KIAA1217: variants seen among roughly 807,000 people sequenced by gnomAD.
The protein encoded by KIAA1217 is sickle tail protein homolog.
Under a neutral mutation model 163.9 loss-of-function variants are expected in KIAA1217, and 88 were observed. The observed-to-expected ratio is 0.54, with a 90% confidence interval of 0.45 to 0.64. The LOEUF (loss-of-function observed/expected upper bound fraction) is 0.64. Ranked by LOEUF, KIAA1217 falls within the 30% of genes least tolerant of loss-of-function variation. The pLI, the probability that KIAA1217 is intolerant of heterozygous loss-of-function variation, is 0.00. For synonymous variants in KIAA1217, 903 were observed against 923.1 expected (o/e 0.98, Z 0.39); for missense variants, 2,372 against 2,475.0 (o/e 0.96, Z 0.88).
chr10:23,766,266 T>C (rs1445773913), intron 1 of KIAA1217, among the ~76,000 whole-genome samples: 1 of 151,332 alleles, frequency 6.6e-6, no homozygotes, highest in African/African-American at 2.4e-5. Flanking sequence ...ACAGCAAAAA[T>C]TGATTTTTGT....
chr10:23,889,696 T>A (rs1355523554), intron 1 of KIAA1217, among the ~76,000 whole-genome samples: 1 of 151,894 alleles, frequency 6.6e-6, no homozygotes. Flanking sequence ...TTTATTGAGT[T>A]TTCTTTTATG....
intron 2 of KIAA1217, among the ~76,000 whole-genome samples, chr10:24,090,815 A>G (rs972030081): frequency 1.3e-5 from 2 of 151,892 alleles, no homozygotes; most frequent in African/African-American, 2.4e-5. Context: ...TAGCAATCTT[A>G]TTTCTAATAT....
At chr10:23,881,291 C>G (rs1840938606) in intron 1 of KIAA1217, among the ~76,000 whole-genome samples, 1 of 151,946 alleles carries the variant, frequency 6.6e-6, no homozygotes, top group Admixed American at 6.6e-5. Context: ...CATTCTTTCA[C>G]TTACAATTAT....
At chr10:24,120,607 C>T (rs1050074126) in intron 2 of KIAA1217, among the ~76,000 whole-genome samples, 4 of 152,182 alleles carry the variant, frequency 2.6e-5, no homozygotes, top group Admixed American at 6.5e-5. Context: ...TTTCCTACCT[C>T]GCACATTCCT....
intron 3 of KIAA1217, among the ~76,000 whole-genome samples, chr10:24,399,400 A>T (rs1399863684): frequency 7.2e-5 from 11 of 152,226 alleles, no homozygotes; most frequent in Non-Finnish European, 1.6e-4. Context: ...CCCAATTCAA[A>T]AAAATGCTCT....
rs550436129 is a variant in KIAA1217, at chr10:24,244,860, C to T, written c.354+24951C>T. On this transcript the variant is annotated intron_variant, in intron 2 of 20. Transcript: ENST00000376454. ...GATGACAGACATGAGCCAGTGCTTC[C>T]GGCCAGCTTATCCTAACGGCAGGAA... Among the ~76,000 whole-genome samples, 12 of 152,220 alleles carry T rather than the reference C, an allele frequency of 7.9e-5. No individual in the cohort carries two copies. The South Asian group carries it at 2.5e-3, about 32-fold the overall frequency.
At chr10:24,372,510 ATAATC>A (rs1441213194) in intron 2 of KIAA1217, among the ~76,000 whole-genome samples, 1 of 152,190 alleles carries the variant, frequency 6.6e-6, no homozygotes, top group African/African-American at 2.4e-5. Flanking sequence ...ATCAAAAAAA[ATAATC>A]TATGGGACTG....
At position 24,219,646 on chromosome 10, in the gene KIAA1217, C is replaced by T. The variant is rs149035347; in HGVS notation, c.91C>T (p.His31Tyr). 8 of 1,606,800 alleles carry T rather than the reference C, an allele frequency of 5.0e-6. No homozygotes were observed. In the African/African-American group the frequency reaches 6.7e-5, roughly 13 times the overall value. ...QMQEQGKGNLHVTSPEDAECR... is the reference protein window; with the variant it reads ...QMQEQGKGNLYVTSPEDAECR... Reference sequence around the variant, plus strand: ...TTCAGAACAAGGCAAAGGCAATCTGCATGTAACATCACCAGAAGATGCAGA... The same window carrying T: ...TTCAGAACAAGGCAAAGGCAATCTGTATGTAACATCACCAGAAGATGCAGA... Residue 31 changes from histidine to tyrosine, a missense_variant, in exon 2 of 21, where the codon CAT becomes TAT. His to Tyr is a moderately conservative substitution (Grantham distance 83). This residue lies in a region of KIAA1217 where 1,431 missense variants were observed against 1,470.3 expected (regional missense o/e 0.97). Transcript: ENST00000376454.
intron 2 of KIAA1217, among the ~76,000 whole-genome samples, chr10:24,088,865 G>A (rs528535489): frequency 6.4e-5 from 8 of 124,620 alleles, no homozygotes; most frequent in East Asian, 5.9e-4. Flanking sequence ...CTGAGGAATC[G>A]CCACACTGAC....
chr10:24,123,821 T>C (rs2131785532), intron 2 of KIAA1217, among the ~76,000 whole-genome samples: 1 of 152,362 alleles, frequency 6.6e-6, no homozygotes, highest in East Asian at 1.9e-4. Flanking sequence ...AATTATCTGA[T>C]ATTCTTCTTT....
intron 2 of KIAA1217, among the ~76,000 whole-genome samples, chr10:24,145,694 C>T (rs959006516): frequency 3.3e-5 from 5 of 152,230 alleles, no homozygotes; most frequent in African/African-American, 1.2e-4. Context: ...GCCAACAATG[C>T]AGCCTTCAGT....
At chr10:24,452,691 A>T (rs929780476) in intron 5 of KIAA1217, among the ~76,000 whole-genome samples, 3 of 151,686 alleles carry the variant, frequency 2.0e-5, no homozygotes, top group African/African-American at 7.2e-5. Context: ...AAAAAAAAAA[A>T]AAAAAAAATA....
At chr10:23,842,567 A>G (rs1472680320) in intron 1 of KIAA1217, among the ~76,000 whole-genome samples, 1 of 152,136 alleles carries the variant, frequency 6.6e-6, no homozygotes, top group Non-Finnish European at 1.5e-5. Context: ...TCATTTTACC[A>G]GTAAATAGGG....
At chr10:24,279,239 T>G (rs1056065668) in intron 2 of KIAA1217, among the ~76,000 whole-genome samples, 7 of 1,532 alleles carry the variant, frequency 4.6e-3, no homozygotes, top group African/African-American at 0.027. Context: ...TAGTGTCTGT[T>G]TTTTTTTTTG....
intron 1 of KIAA1217, among the ~76,000 whole-genome samples, chr10:23,969,274 C>T (rs956720642): frequency 2.6e-5 from 4 of 152,122 alleles, no homozygotes; most frequent in South Asian, 2.1e-4. Flanking sequence ...GACCTTTGGT[C>T]GTCCACCTGC....
chr10:24,430,737 A>G (rs1367958097), intron 3 of KIAA1217, among the ~76,000 whole-genome samples: 3 of 152,178 alleles, frequency 2.0e-5, no homozygotes, highest in Non-Finnish European at 4.4e-5. Context: ...TCACGCTCCT[A>G]TGAGAATCTT....
chr10:24,527,234 G>A (rs537499344), intron 13 of KIAA1217, among the ~76,000 whole-genome samples: 1 of 151,850 alleles, frequency 6.6e-6, no homozygotes, highest in African/African-American at 2.4e-5. Context: ...CTAAGACACA[G>A]GATTTTTGTT....
chr10:24,135,695 C>T (rs1251487627), intron 2 of KIAA1217, among the ~76,000 whole-genome samples: 1 of 152,010 alleles, frequency 6.6e-6, no homozygotes, highest in Non-Finnish European at 1.5e-5. Flanking sequence ...GATGAAACAG[C>T]ACAGACCTAG....
At chr10:23,787,675 A>C (rs1835555007) in intron 1 of KIAA1217, among the ~76,000 whole-genome samples, 1 of 152,188 alleles carries the variant, frequency 6.6e-6, no homozygotes, top group Non-Finnish European at 1.5e-5. Flanking sequence ...AATCCGCCAC[A>C]ATGCTCAAAT....
Sources: allele counts gnomAD v4.1 joint callset (sites outside exome capture counted in the v4.1 genomes callset), GRCh38; gene constraint gnomAD v4.1.1; regional missense constraint gnomAD v4.1.1; transcripts MANE v1.5; gene names NCBI Gene and HGNC (gene_info 2026-07-23, HGNC 2026-07-21).